The following RBFOX1 variants were observed in gnomAD, a reference collection of about 807,000 sequenced individuals.
The protein encoded by RBFOX1 is RNA binding protein fox-1 homolog 1.
A neutral mutation model predicts 57.7 loss-of-function variants in RBFOX1; 8 were observed. The ratio of observed to expected loss-of-function variants is 0.14; its 90% CI spans 0.08 to 0.25. The LOEUF (loss-of-function observed/expected upper bound fraction) is 0.25, where lower values mean the gene tolerates loss of function less well. Among genes scored for constraint, RBFOX1 ranks in the 10% least tolerant of loss-of-function variants. The pLI is 1.00. For synonymous variants in RBFOX1, 326 were observed against 222.4 expected (o/e 1.47, Z -4.15); for missense variants, 611 against 548.5 (o/e 1.11, Z -1.14).
At chr16:5,846,798 G>T (rs757759791) in intron 3 of RBFOX1, among the ~76,000 whole-genome samples, 3 of 152,210 alleles carry the variant, frequency 2.0e-5, no homozygotes, top group Non-Finnish European at 2.9e-5. Flanking sequence ...CACTGAAAAG[G>T]CTCCAGGAAG....
intron 2 of RBFOX1, among the ~76,000 whole-genome samples, chr16:6,388,893 G>T (rs1442443704): frequency 6.6e-6 from 1 of 152,202 alleles, no homozygotes; most frequent in Non-Finnish European, 1.5e-5. Context: ...ACTCACAGAA[G>T]CAGAGAGTAG....
At chr16:6,456,075 G>T (rs577044232) in intron 2 of RBFOX1, among the ~76,000 whole-genome samples, 7 of 152,218 alleles carry the variant, frequency 4.6e-5, no homozygotes, top group African/African-American at 1.7e-4. Context: ...TTTATATGTC[G>T]AGCTATATTG....
At chr16:6,614,675 C>T (rs1367254076) in intron 2 of RBFOX1, among the ~76,000 whole-genome samples, 1 of 152,054 alleles carries the variant, frequency 6.6e-6, no homozygotes, top group African/African-American at 2.4e-5. Flanking sequence ...AGTGATTTGC[C>T]CCACAGTCTT....
chr16:6,356,022 G>T (rs2087256066), intron 2 of RBFOX1, among the ~76,000 whole-genome samples: 1 of 152,160 alleles, frequency 6.6e-6, no homozygotes, highest in Non-Finnish European at 1.5e-5. Context: ...ATTAGATTAT[G>T]ACCCAAAGTA....
intron 3 of RBFOX1, among the ~76,000 whole-genome samples, chr16:6,992,334 C>T (rs1197913506): frequency 6.6e-6 from 1 of 152,102 alleles, no homozygotes; most frequent in Non-Finnish European, 1.5e-5. Context: ...TCTCCTGCCT[C>T]AGCTTTCCCA....
At chr16:6,938,648 G>A (rs1432532879) in intron 3 of RBFOX1, among the ~76,000 whole-genome samples, 1 of 152,116 alleles carries the variant, frequency 6.6e-6, no homozygotes, top group East Asian at 1.9e-4. Context: ...TAGGTTAAAG[G>A]GCAGAAAATT....
intron 3 of RBFOX1, among the ~76,000 whole-genome samples, chr16:6,871,575 A>T (rs1057417091): frequency 6.6e-6 from 1 of 151,910 alleles, no homozygotes; most frequent in African/African-American, 2.4e-5. Context: ...TACTGACTGA[A>T]ACTTTTTGCT....
At chr16:7,399,280 T>TGTTGG (rs1199702120) in intron 4 of RBFOX1, among the ~76,000 whole-genome samples, 2,745 of 152,250 alleles carry the variant, frequency 0.018, 71 homozygotes, top group African/African-American at 0.061. Context: ...AAACCCCATC[T>TGTTGG]CTACTAAAAA....
intron 3 of RBFOX1, among the ~76,000 whole-genome samples, chr16:7,036,269 A>G (rs1176222663): frequency 1.3e-5 from 2 of 151,804 alleles, no homozygotes; most frequent in African/African-American, 4.8e-5. Context: ...ATTCTCTACA[A>G]TGTGTAGATG....
intron 1 of RBFOX1, among the ~76,000 whole-genome samples, chr16:6,311,245 G>C (rs553915563): frequency 7.2e-6 from 1 of 139,738 alleles, no homozygotes; most frequent in Non-Finnish European, 1.5e-5. Flanking sequence ...GCAGTGAGCT[G>C]AGATCGTGCC....
At chr16:7,462,525 T>C (rs959345266) in intron 4 of RBFOX1, among the ~76,000 whole-genome samples, 1 of 152,202 alleles carries the variant, frequency 6.6e-6, no homozygotes, top group Admixed American at 6.5e-5. Flanking sequence ...AAACCCGCCA[T>C]GTATTATCTC....
chr16:7,158,905 A>G (rs1055998129), intron 4 of RBFOX1, among the ~76,000 whole-genome samples: 4 of 151,884 alleles, frequency 2.6e-5, no homozygotes, highest in Non-Finnish European at 5.9e-5. Flanking sequence ...GTGTGTAATT[A>G]TTTGTATTAC....
At position 7,519,864 on chromosome 16, in the gene RBFOX1, A is replaced by G. The variant is rs546834840; in HGVS notation, c.270+1475A>G. On this transcript the variant is annotated intron_variant, in intron 5 of 15. Transcript: ENST00000550418. Reference sequence around the variant, plus strand: ...TTGCCACCTCATTCATTTGGAGGCTAGTTTTGACGTTTTGTTTTTGTTTTT... The same window carrying G: ...TTGCCACCTCATTCATTTGGAGGCTGGTTTTGACGTTTTGTTTTTGTTTTT... 3.4e-3 allele frequency: 1,387 copies of G among 403,396 alleles called. 4 individuals carry two copies. Among genetic ancestry groups the G allele is most frequent in the Non-Finnish European group, 4.5e-3 (1,333 of 298,174 alleles). 25.0% of individuals were successfully genotyped at this position (403,396 alleles called of 1,614,324 possible).
rs573284306 is a variant in RBFOX1 at position 5,905,580 on chromosome 16, G to A, written c.351+38245G>A. Among the ~76,000 whole-genome samples, 8 of 152,246 alleles carry A rather than the reference G, an allele frequency of 5.3e-5. 1 individual carries two copies. In the South Asian group the frequency reaches 1.4e-3, roughly 28 times the overall value. On this transcript the variant is annotated intron_variant, in intron 4 of 19. Transcript: ENST00000641259. ...ATGCAAAAACTGGCTGGATGTGGTG[G>A]TACACATCTGCCGTCATGGCTGTTC...
chr16:5,333,498 C>T (rs749367399), intron 1 of RBFOX1, among the ~76,000 whole-genome samples: 4 of 152,158 alleles, frequency 2.6e-5, no homozygotes, highest in African/African-American at 7.2e-5. Flanking sequence ...AAAAGCTGCT[C>T]CTCACACAGT....
intron 3 of RBFOX1, among the ~76,000 whole-genome samples, chr16:5,817,314 TTTC>T (rs2055678966): frequency 6.6e-6 from 1 of 152,198 alleles, no homozygotes; most frequent in Non-Finnish European, 1.5e-5. Context: ...TCCCCTCACA[TTTC>T]TTCTTAAAGC....
chr16:5,774,420 C>T (rs537148017), intron 3 of RBFOX1, among the ~76,000 whole-genome samples: 1 of 152,200 alleles, frequency 6.6e-6, no homozygotes, highest in Non-Finnish European at 1.5e-5. Context: ...ATTATTTTCA[C>T]AGAGGCAGTA....
At chr16:5,358,997 ACT>A (rs1337126921) in intron 1 of RBFOX1, among the ~76,000 whole-genome samples, 2 of 151,324 alleles carry the variant, frequency 1.3e-5, no homozygotes, top group African/African-American at 4.9e-5. Context: ...CCATCCTTCT[ACT>A]CTCTGTTTCC....
chr16:6,971,570 A>C (rs1298475363), intron 3 of RBFOX1, among the ~76,000 whole-genome samples: 1 of 152,004 alleles, frequency 6.6e-6, no homozygotes. Context: ...TTCCCAGTTT[A>C]CATTATTAAA....
Sources: allele counts gnomAD v4.1 joint callset (sites outside exome capture counted in the v4.1 genomes callset), GRCh38; gene constraint gnomAD v4.1.1; transcripts MANE v1.5; gene names NCBI Gene and HGNC (gene_info 2026-07-23, HGNC 2026-07-21).